The following CPNE5 variants were observed in gnomAD, a reference collection of about 807,000 sequenced individuals.
The protein encoded by CPNE5 is copine 5.
Under a neutral mutation model 81.1 loss-of-function variants are expected in CPNE5, and 42 were observed. The observed-to-expected ratio is 0.52, with a 90% CI of 0.40 to 0.67. The LOEUF (loss-of-function observed/expected upper bound fraction) is 0.67, where lower values mean the gene tolerates loss of function less well. CPNE5 is among the 30% of genes least tolerant of loss of function. The pLI, the probability that CPNE5 is intolerant of heterozygous loss-of-function variation, is 0.00. For missense variants in CPNE5, 612 were observed against 815.5 expected (o/e 0.75, Z 3.04); for synonymous variants, 313 against 321.5 (o/e 0.97, Z 0.28).
At chr6:36,819,341 C>G (rs1771838502) in intron 3 of CPNE5, among the ~76,000 whole-genome samples, 1 of 152,258 alleles carries the variant, frequency 6.6e-6, no homozygotes, top group South Asian at 2.1e-4. Flanking sequence ...CTCAAGTGAT[C>G]TGCCTGCCTC....
chr6:36,812,052 C>T (rs138932099), intron 3 of CPNE5, among the ~76,000 whole-genome samples: 10 of 152,180 alleles, frequency 6.6e-5, no homozygotes, highest in Non-Finnish European at 1.2e-4. Context: ...TGCAGTGAGC[C>T]GAGATTGTGT....
At chr6:36,742,777 G>A (rs942844392) in intron 20 of CPNE5, 80 of 985,304 alleles carry the variant, frequency 8.1e-5, no homozygotes, top group Non-Finnish European at 9.5e-5. Context: ...ACTAAGCACA[G>A]GCTCTGAGTA....
intron 3 of CPNE5, among the ~76,000 whole-genome samples, chr6:36,815,177 A>AC (rs1226235616): frequency 2.0e-5 from 3 of 150,692 alleles, no homozygotes; most frequent in African/African-American, 7.3e-5. Flanking sequence ...AAAAAGAACA[A>AC]AAAAAAAGAA....
At chr6:36,809,197 CAGAG>C (rs138979516) in intron 3 of CPNE5, among the ~76,000 whole-genome samples, 9 of 150,270 alleles carry the variant, frequency 6.0e-5, no homozygotes, top group East Asian at 3.9e-4. Flanking sequence ...AGCCCCTACG[CAGAG>C]AGAGAGAGAG....
chr6:36,824,396 C>T (rs1772326913), intron 1 of CPNE5, among the ~76,000 whole-genome samples: 1 of 151,940 alleles, frequency 6.6e-6, no homozygotes, highest in African/African-American at 2.4e-5. Context: ...CTTCCCTTCC[C>T]TGCTTCCCCT....
intron 1 of CPNE5, among the ~76,000 whole-genome samples, chr6:36,831,499 G>A (rs570695982): frequency 5.9e-5 from 9 of 151,688 alleles, no homozygotes; most frequent in East Asian, 3.9e-4. Context: ...GATTACAGGC[G>A]CCCGCCACCA....
chr6:36,758,084 T>C (rs1765662373), intron 12 of CPNE5, among the ~76,000 whole-genome samples: 1 of 151,906 alleles, frequency 6.6e-6, no homozygotes. Context: ...ATCCAGGAAA[T>C]ATTTGCCTAG....
At chr6:36,812,716 C>T (rs1771205643) in intron 3 of CPNE5, among the ~76,000 whole-genome samples, 1 of 152,192 alleles carries the variant, frequency 6.6e-6, no homozygotes, top group Admixed American at 6.5e-5. Flanking sequence ...TAACCCTGAT[C>T]ACGGGGAGTC....
At chr6:36,809,593 C>CA (rs1218937488) in intron 3 of CPNE5, among the ~76,000 whole-genome samples, 5 of 151,740 alleles carry the variant, frequency 3.3e-5, no homozygotes, top group Admixed American at 6.6e-5. Context: ...AAAAAACAAA[C>CA]AACAACAACA....
intron 1 of CPNE5, among the ~76,000 whole-genome samples, chr6:36,829,850 C>CAAAAAAAA (rs1224687378): frequency 2.1e-5 from 1 of 47,360 alleles, no homozygotes; most frequent in African/African-American, 8.2e-5. Context: ...GTAGGAATTG[C>CAAAAAAAA]AAAAAAAAAA....
chr6:36,831,403 G>A (rs1772975754), intron 1 of CPNE5, among the ~76,000 whole-genome samples: 1 of 151,652 alleles, frequency 6.6e-6, no homozygotes, highest in Admixed American at 6.6e-5. Context: ...AACCAGGCTG[G>A]AGTGCAGTGG....
At chr6:36,779,603 A>G (rs944384500) in intron 8 of CPNE5, among the ~76,000 whole-genome samples, 2 of 152,206 alleles carry the variant, frequency 1.3e-5, no homozygotes, top group Non-Finnish European at 2.9e-5. Context: ...TCTGTGGCCC[A>G]TTTCACAGCT....
Position 36,776,948 on chromosome 6 carries a change from G to C in CPNE5, c.633-1883C>G, listed in dbSNP as rs528382355. On this transcript the variant is annotated intron_variant, in intron 9 of 20. Coordinates refer to ENST00000244751, the MANE Select transcript of CPNE5 (RefSeq NM_020939.2). The stretch of plus-strand genomic sequence containing the variant: ...AGCGCAGCCATCGCCCTTTCACAGG[G>C]GCAGGATACTGGCCCACCGCTAGGC... Among the ~76,000 whole-genome samples, 4 of 152,290 alleles carry C rather than the reference G, an allele frequency of 2.6e-5. No homozygotes were observed. The East Asian group carries it at 7.7e-4, about 29-fold the overall frequency.
At chr6:36,808,513 C>T (rs183422958) in intron 3 of CPNE5, among the ~76,000 whole-genome samples, 75 of 152,250 alleles carry the variant, frequency 4.9e-4, no homozygotes, top group African/African-American at 1.6e-3. Flanking sequence ...CCACAAATGC[C>T]CATGGCTGCA....
intron 3 of CPNE5, among the ~76,000 whole-genome samples, chr6:36,803,186 C>T (rs1294614280): frequency 6.6e-6 from 1 of 152,162 alleles, no homozygotes; most frequent in African/African-American, 2.4e-5. Context: ...TAAATCTCTT[C>T]CTTTGCTGTG....
intron 12 of CPNE5, among the ~76,000 whole-genome samples, chr6:36,762,287 C>T (rs944455030): frequency 4.7e-4 from 68 of 144,816 alleles, no homozygotes; most frequent in African/African-American, 1.1e-3. Context: ...CACACGCACG[C>T]GCACACACAC....
chr6:36,780,513 T>C (rs187067992), intron 8 of CPNE5, among the ~76,000 whole-genome samples: 46 of 152,342 alleles, frequency 3.0e-4, no homozygotes, highest in Non-Finnish European at 6.3e-4. Flanking sequence ...TCAGTTTCCC[T>C]ACTTATAAAA....
chr6:36,810,237 T>C (rs1168143159), intron 3 of CPNE5, among the ~76,000 whole-genome samples: 3 of 152,006 alleles, frequency 2.0e-5, no homozygotes, highest in African/African-American at 7.2e-5. Context: ...TTCGGAGCCA[T>C]CCCCCAGCTG....
intron 7 of CPNE5, 84 bp downstream of exon 7, chr6:36,794,506 G>A: frequency 7.7e-7 from 1 of 1,298,870 alleles, no homozygotes; most frequent in Non-Finnish European, 1.1e-6. Flanking sequence ...TGGGAGCAGG[G>A]ACGAGGCCCA....
Sources: allele counts gnomAD v4.1 joint callset (sites outside exome capture counted in the v4.1 genomes callset), GRCh38; gene constraint gnomAD v4.1.1; transcripts MANE v1.5; gene names NCBI Gene and HGNC (gene_info 2026-07-23, HGNC 2026-07-21).